SPTBN1: variants seen among roughly 807,000 people sequenced by gnomAD.
The protein encoded by SPTBN1 is spectrin beta chain, non-erythrocytic 1.
A neutral mutation model predicts 266.4 loss-of-function variants in SPTBN1; 32 were observed. That is an observed-to-expected ratio of 0.12 (90% CI 0.09 to 0.16). The LOEUF is 0.16. Among genes scored for constraint, SPTBN1 ranks in the 10% least tolerant of loss-of-function variants. The pLI, the probability that SPTBN1 is intolerant of heterozygous loss-of-function variation, is 1.00. For synonymous variants in SPTBN1, 1,336 were observed against 1,162.2 expected (o/e 1.15, Z -3.04); for missense variants, 2,296 against 3,067.1 (o/e 0.75, Z 5.94).
In SPTBN1 at chr2:54,645,469, C is replaced by T. The variant is rs777980636; in HGVS notation, c.4494+16C>T. The T allele has an allele frequency of 1.2e-6, 2 of 1,612,288 alleles. No homozygotes were observed. Among genetic ancestry groups the T allele is most frequent in the Non-Finnish European group, 1.7e-6 (2 of 1,178,716 alleles). ...GGACGAGATCGTGAGTCGACCCCTA[C>T]TGCACACATGGCTTTTCCACGAGCC... On this transcript the variant is annotated intron_variant, in intron 21 of 35. Coordinates refer to ENST00000356805, the MANE Select transcript of SPTBN1 (RefSeq NM_003128.3). The surrounding 1 kb of genome is among the most constrained non-coding windows in gnomAD (Gnocchi z 4.3).
In SPTBN1 at chr2:54,664,664, A is replaced by G. The variant is rs759466103; in HGVS notation, c.6632A>G (p.Glu2211Gly). ...EGFLNRKHEW[E>G]AHNKKASSRS... ...TTCCTCAATCGGAAACACGAGTGGG[A>G]GGCCCACAATAAGAAAGCCTCAAGC... Residue 2211 changes from glutamate to glycine, a missense_variant, in exon 33 of 36, where the codon GAG becomes GGG. By Grantham distance (98) the Glu-to-Gly change is moderately conservative. Around this residue, in one of 12 missense-constraint regions of SPTBN1, gnomAD observed 347 missense variants for 368.5 expected, o/e 0.94. Coordinates refer to ENST00000356805, the MANE Select transcript of SPTBN1 (RefSeq NM_003128.3). The surrounding 1 kb of genome is among the most constrained non-coding windows in gnomAD (Gnocchi z 5.6). 6.2e-7 allele frequency: 1 copy of G among 1,614,156 alleles called. No homozygotes were observed. The highest frequency in any genetic ancestry group is 8.5e-7 in the Non-Finnish European group (1 of 1,180,020).
chr2:54,576,265 G>A (rs1674471393), intron 2 of SPTBN1, among the ~76,000 whole-genome samples: 1 of 151,966 alleles, frequency 6.6e-6, no homozygotes, highest in African/African-American at 2.4e-5. Flanking sequence ...TGTTGGCCAG[G>A]CTAGTCTTAA....
intron 3 of SPTBN1, among the ~76,000 whole-genome samples, chr2:54,609,007 G>C (rs1677041395): frequency 6.6e-6 from 1 of 152,146 alleles, no homozygotes. Context: ...TCTTCACGTT[G>C]AGTAGGCTGA....
intron 2 of SPTBN1, among the ~76,000 whole-genome samples, chr2:54,532,662 C>G (rs1157162292): frequency 6.6e-6 from 1 of 152,184 alleles, no homozygotes; most frequent in Non-Finnish European, 1.5e-5. Flanking sequence ...GCTTGCATCC[C>G]GTGATTGCAG....
intron 1 of SPTBN1, among the ~76,000 whole-genome samples, chr2:54,487,832 C>CTTTTGTTTTTTTTTTTTTTTTTTTT (rs1668486425): frequency 1.5e-5 from 1 of 68,644 alleles, no homozygotes; most frequent in Non-Finnish European, 2.6e-5. Context: ...CCTCCTGTGT[C>CTTTTGTTTTTTTTTTTTTTTTTTTT]TTTTTTTTTT....
rs762961141 is a variant in SPTBN1 at position 54,659,965 on chromosome 2, A to G, written c.6386A>G (p.Gln2129Arg). 2.5e-6 allele frequency: 4 copies of G among 1,614,026 alleles called. No individual in the cohort carries two copies. The African/African-American group carries it at 5.3e-5, about 22-fold the overall frequency. ...ACTTCAAAAGGAGAACAAGTTTCCCAAAACGGTTTGCCAGCTGAACAGGGA... is the reference window on the plus strand; with the variant it reads ...ACTTCAAAAGGAGAACAAGTTTCCCGAAACGGTTTGCCAGCTGAACAGGGA... ...WDTSKGEQVS[Q>R]NGLPAEQGSP... The change falls in exon 32 of 36, where the codon CAA (glutamine) becomes CGA (arginine). Residue 2129 changes from glutamine to arginine, a missense_variant. Physicochemically the swap from Gln to Arg is conservative, Grantham distance 43 (BLOSUM62 1). Around this residue, in one of 12 missense-constraint regions of SPTBN1, gnomAD observed 347 missense variants for 368.5 expected, o/e 0.94. Coordinates refer to ENST00000356805, the MANE Select transcript of SPTBN1 (RefSeq NM_003128.3).
chr2:54,491,692 C>T (rs1305659781), intron 1 of SPTBN1, among the ~76,000 whole-genome samples: 1 of 152,152 alleles, frequency 6.6e-6, no homozygotes, highest in African/African-American at 2.4e-5. Flanking sequence ...TTGGCTCAAG[C>T]AGTCCTTCTG....
intron 1 of SPTBN1, among the ~76,000 whole-genome samples, chr2:54,498,333 T>C (rs1669079186): frequency 6.6e-6 from 1 of 152,216 alleles, no homozygotes; most frequent in South Asian, 2.1e-4. Context: ...TTTTATTTAA[T>C]TTAAATTAAA....
chr2:54,497,449 C>A (rs1361665056), intron 1 of SPTBN1, among the ~76,000 whole-genome samples: 2 of 152,108 alleles, frequency 1.3e-5, no homozygotes, highest in Non-Finnish European at 2.9e-5. Flanking sequence ...CAGGGAGTCA[C>A]CTCTTTATTG....
intron 7 of SPTBN1, among the ~76,000 whole-genome samples, 180 bp downstream of exon 7, chr2:54,618,373 G>A (rs1255913251): frequency 4.6e-5 from 7 of 152,242 alleles, no homozygotes; most frequent in Non-Finnish European, 1.0e-4. Flanking sequence ...GGCCTTGAAA[G>A]ATGAATACGA....
intron 19 of SPTBN1, among the ~76,000 whole-genome samples, chr2:54,643,767 G>A (rs1222893695): frequency 6.6e-6 from 1 of 152,046 alleles, no homozygotes; most frequent in Non-Finnish European, 1.5e-5. Flanking sequence ...ATGGATCACT[G>A]GAGGCCAGGA....
chr2:54,559,333 G>A (rs1231739366), intron 2 of SPTBN1, among the ~76,000 whole-genome samples: 6 of 152,130 alleles, frequency 3.9e-5, no homozygotes, highest in Non-Finnish European at 8.8e-5. Flanking sequence ...GGAGGGAGGG[G>A]TCTTTTTGTT....
intron 1 of SPTBN1, among the ~76,000 whole-genome samples, chr2:54,510,361 A>T (rs989928201): frequency 6.6e-6 from 1 of 152,208 alleles, no homozygotes. Flanking sequence ...ATACAATCAC[A>T]TTAGGGGTTA....
chr2:54,588,745 G>T (rs1023806650), intron 2 of SPTBN1, among the ~76,000 whole-genome samples: 4 of 152,162 alleles, frequency 2.6e-5, no homozygotes, highest in African/African-American at 4.8e-5. Context: ...GCAGGTTAAT[G>T]GGCTCAGGAT....
chr2:54,583,659 T>C (rs1461016034), intron 2 of SPTBN1, among the ~76,000 whole-genome samples: 1 of 152,258 alleles, frequency 6.6e-6, no homozygotes, highest in East Asian at 1.9e-4. Flanking sequence ...CGTATTATGC[T>C]TACAAATGTT....
intron 1 of SPTBN1, among the ~76,000 whole-genome samples, chr2:54,468,222 A>G (rs1030951956): frequency 2.0e-5 from 3 of 152,048 alleles, no homozygotes; most frequent in Non-Finnish European, 4.4e-5. Context: ...CAGGAGAATC[A>G]CTTGAACCCA....
At chr2:54,531,689 C>T (rs909405196) in intron 2 of SPTBN1, among the ~76,000 whole-genome samples, 4 of 151,916 alleles carry the variant, frequency 2.6e-5, no homozygotes, top group Admixed American at 6.6e-5. Context: ...AATCGGCCAG[C>T]AATCAGTCAC....
At chr2:54,562,417 G>A (rs1278071884) in intron 2 of SPTBN1, among the ~76,000 whole-genome samples, 1 of 152,052 alleles carries the variant, frequency 6.6e-6, no homozygotes, top group African/African-American at 2.4e-5. Flanking sequence ...CTGGTAGGCA[G>A]GCCTACAGCT....
chr2:54,666,041 C>T lies in SPTBN1; in HGVS notation c.6786C>T (p.Cys2262=), dbSNP rs773456466. The change falls in exon 34 of 36, where the codon TGC becomes TGT. Residue 2262 remains cysteine, a synonymous_variant. Transcript: ENST00000356805. ...EVPVSLKEAV[C]EVALDYKKKK... is the part of the protein sequence containing the mutation. ...CTGTGAGTTTGAAAGAAGCTGTCTG[C>T]GAAGTGGCCCTTGATTACAAAAAGA... The T allele has an allele frequency of 6.2e-6, 10 of 1,613,592 alleles. No homozygotes were observed. The highest frequency in any genetic ancestry group is 2.2e-5 in the East Asian group (1 of 44,870).
Sources: gnomAD v4.1 joint callset for allele counts (sites outside exome capture counted in the v4.1 genomes callset) on GRCh38, gnomAD v4.1.1 for gene constraint, gnomAD v4.1.1 regional missense constraint, Gnocchi (gnomAD v3.1) non-coding constraint, MANE v1.5 for transcripts, NCBI Gene and HGNC (gene_info 2026-07-23, HGNC 2026-07-21) for gene names.